The following OTX1 variants were observed in gnomAD, a reference collection of about 807,000 sequenced individuals.
OTX1 encodes orthodenticle homeobox 1, also known as homeobox protein OTX1.
In OTX1, 7 loss-of-function variants were observed where a neutral mutation model predicts 26.7. The observed-to-expected ratio is 0.26, with a 90% CI of 0.15 to 0.49. The LOEUF is 0.49. Ranked by LOEUF, OTX1 falls within the 20% of genes least tolerant of loss-of-function variation. The pLI is 0.98. For missense variants in OTX1, 414 were observed against 483.8 expected, an observed-to-expected ratio of 0.86 and a Z score of 1.35; for synonymous variants, 216 against 212.8, an observed-to-expected ratio of 1.01 and a Z score of -0.13.
At position 63,056,246 on chromosome 2, in the gene OTX1, A is replaced by G; in HGVS notation, c.995A>G (p.Lys332Arg). 4 of 1,614,080 alleles carry G rather than the reference A, an allele frequency of 2.5e-6. No homozygotes were observed. Among genetic ancestry groups the G allele is most frequent in the Non-Finnish European group, 3.4e-6 (4 of 1,180,006 alleles). Reference sequence around the variant, plus strand: ...GCCGCTGCTGCTTCCTCCGCCTGGAAACTCAACTTCAACTCCCCCGACTGT... The same window carrying G: ...GCCGCTGCTGCTTCCTCCGCCTGGAGACTCAACTTCAACTCCCCCGACTGT... ...PGAAAASSAW[K>R]LNFNSPDCLD... is the part of the protein sequence containing the mutation. The change falls in exon 5 of 5, where the codon AAA becomes AGA. Residue 332 changes from lysine to arginine, a missense_variant. Transcript: ENST00000282549.
At chr2:63,054,255 G>C in intron 4 of OTX1, 57 bp downstream of exon 4, 1 of 1,497,364 alleles carries the variant, frequency 6.7e-7, no homozygotes, top group South Asian at 1.3e-5. Context: ...GCTCGGGGAA[G>C]GTCTAGGAAG....
chr2:63,055,503 C>G lies in OTX1; in HGVS notation c.252C>G (p.Val84=). 1 of 1,612,830 alleles carries G rather than the reference C, an allele frequency of 6.2e-7. No individual in the cohort carries two copies. Among genetic ancestry groups the G allele is most frequent in the Non-Finnish European group, 8.5e-7 (1 of 1,179,356 alleles). Residue 84 remains valine, a splice_region_variant and synonymous_variant, in exon 5 of 5, where the codon GTC becomes GTG. Transcript: ENST00000282549. This position sits in a 1 kb window ranked among gnomAD's most constrained non-coding sequence, Gnocchi z 5.2. ...CTCCCCCATCCGGCCCACTGCAGGT[C>G]TGGTTCAAGAACCGCCGCGCCAAAT... ...KINLPESRVQ[V]WFKNRRAKCR...
Position 63,055,568 on chromosome 2 carries a change from G to T in OTX1, c.317G>T (p.Arg106Leu). The change falls in exon 5 of 5, where the codon CGC becomes CTC. Residue 106 changes from arginine (R) to leucine (L), a missense_variant. Around this residue, in one of 3 missense-constraint regions of OTX1, gnomAD observed 320 missense variants for 347.9 expected, o/e 0.92. Transcript: ENST00000282549. The surrounding 1 kb of genome is among the most constrained non-coding windows in gnomAD (Gnocchi z 5.2). ...QQQSGSGTKS[R>L]PAKKKSSPVR... ...CAGAGCGGGAGCGGAACCAAGAGCC[G>T]CCCAGCCAAGAAGAAGTCCTCTCCA... 1.9e-6 allele frequency: 3 copies of T among 1,614,122 alleles called. No homozygotes were observed. Among genetic ancestry groups the T allele is most frequent in the African/African-American group, 2.7e-5 (2 of 75,034 alleles).
intron 4 of OTX1, among the ~76,000 whole-genome samples, chr2:63,054,535 C>A (rs2062049805): frequency 6.6e-6 from 1 of 152,208 alleles, no homozygotes; most frequent in Admixed American, 6.5e-5. Context: ...TCTTCGCCTG[C>A]CCCAGGACTT....
At position 63,056,395 on chromosome 2, in the gene OTX1, C is replaced by A. The variant is rs559367527; in HGVS notation, c.*79C>A. ...CGATCCTGTTGCTGCTGCTGCACCGCCCGCCTTTGCCTCGTCTTCTCCAAA... is the reference window on the plus strand; with the variant it reads ...CGATCCTGTTGCTGCTGCTGCACCGACCGCCTTTGCCTCGTCTTCTCCAAA... On this transcript the variant is annotated 3_prime_UTR_variant, in exon 5 of 5. Transcript: ENST00000282549. 3,107 of 1,263,738 alleles carry A rather than the reference C, an allele frequency of 2.5e-3. 8 individuals are homozygous for A. The highest frequency in any genetic ancestry group is 3.2e-3 in the Non-Finnish European group (2,880 of 899,484). 78.3% of individuals were successfully genotyped at this position (1,263,738 alleles called of 1,614,324 possible).
rs778272963 is a variant in OTX1, at chr2:63,053,058, A to G, written c.68A>G (p.Asp23Gly). Residue 23 changes from aspartate (D) to glycine (G), a missense_variant, in exon 3 of 5, where the codon GAC (aspartate) becomes GGC (glycine). Asp to Gly is a moderately conservative substitution (Grantham distance 94). Coordinates refer to ENST00000282549, the MANE Select transcript of OTX1 (RefSeq NM_014562.4). Reference protein sequence around the residue: ...NGLGLAGPAMDLLHPSVGYPA... With the variant: ...NGLGLAGPAMGLLHPSVGYPA... The stretch of plus-strand genomic sequence containing the variant: ...CTGGGCCTGGCCGGGCCCGCCATGG[A>G]CCTCCTGCACCCATCCGTGGGCTAT... The G allele has an allele frequency of 1.3e-6, 2 of 1,597,158 alleles. No individual in the cohort carries two copies. Among genetic ancestry groups the G allele is most frequent in the South Asian group, 1.1e-5 (1 of 90,130 alleles).
At chr2:63,054,749 T>A (rs2062051580) in intron 4 of OTX1, among the ~76,000 whole-genome samples, 1 of 152,250 alleles carries the variant, frequency 6.6e-6, no homozygotes, top group Admixed American at 6.5e-5. Context: ...AGGGTTCCGA[T>A]GATAACGTTC....
Position 63,053,086 on chromosome 2 carries a change from G to C in OTX1, c.96G>C (p.Pro32=). The change falls in exon 3 of 5, where the codon CCG becomes CCC. Residue 32 remains proline, a splice_region_variant and synonymous_variant. Transcript: ENST00000282549. ...MDLLHPSVGY[P]ATPRKQRRER... is the part of the protein sequence containing the mutation. ...TCCTGCACCCATCCGTGGGCTATCC[G>C]GGTGAGCACCAGCCCTCCCGACCCT... The C allele has an allele frequency of 1.3e-6, 2 of 1,572,108 alleles. No homozygotes were observed. Among genetic ancestry groups the C allele is most frequent in the Non-Finnish European group, 1.7e-6 (2 of 1,163,334 alleles).
intron 3 of OTX1, 150 bp downstream of exon 3, chr2:63,053,237 C>G: frequency 1.8e-6 from 1 of 547,980 alleles, no homozygotes; most frequent in Non-Finnish European, 3.1e-6. Flanking sequence ...ACAGGGCCCA[C>G]TGCCGGCGCA....
At chr2:63,053,424 A>G in intron 3 of OTX1, 1 of 272,324 alleles carries the variant, frequency 3.7e-6, no homozygotes, top group African/African-American at 2.2e-5. Flanking sequence ...TTTCCCCAAC[A>G]TGGAATGTGT....
rs780058175 is a variant in OTX1 at position 63,056,266 on chromosome 2, G to A, written c.1015G>A (p.Asp339Asn). The change falls in exon 5 of 5, where the codon GAC becomes AAC. Residue 339 changes from aspartate to asparagine, a missense_variant. Asp to Asn is a conservative substitution (Grantham distance 23, BLOSUM62 1). Transcript: ENST00000282549. ...CTGGAAACTCAACTTCAACTCCCCC[G>A]ACTGTCTGGACTATAAGGACCAAGC... ...SAWKLNFNSP[D>N]CLDYKDQASW... 4 of 1,614,004 alleles carry A rather than the reference G, an allele frequency of 2.5e-6. No homozygotes were observed. The highest frequency in any genetic ancestry group is 1.3e-5 in the African/African-American group (1 of 74,990).
intron 4 of OTX1, among the ~76,000 whole-genome samples, chr2:63,054,518 C>T (rs529062427): frequency 1.3e-5 from 2 of 152,364 alleles, no homozygotes; most frequent in African/African-American, 4.8e-5. Context: ...TGACACTTGC[C>T]CCTGCTTCTT....
intron 2 of OTX1, among the ~76,000 whole-genome samples, chr2:63,052,490 G>T (rs2062033170): frequency 6.6e-6 from 1 of 152,248 alleles, no homozygotes; most frequent in Non-Finnish European, 1.5e-5. Context: ...AACGCCTCAT[G>T]CTCTGGGCGG....
chr2:63,050,727 C>G (rs1263186980), upstream of OTX1: 1 of 152,164 alleles, frequency 6.6e-6, no homozygotes, highest in Non-Finnish European at 1.5e-5. Context: ...CAGCCATTGC[C>G]CGGCTCCCTG....
chr2:63,053,080 C>G lies in OTX1; in HGVS notation c.90C>G (p.Gly30=). The G allele has an allele frequency of 1.9e-6, 3 of 1,580,268 alleles. No individual in the cohort carries two copies. Among genetic ancestry groups the G allele is most frequent in the Non-Finnish European group, 2.6e-6 (3 of 1,166,730 alleles). Residue 30 remains glycine (G), a synonymous_variant, in exon 3 of 5, where the codon GGC becomes GGG. Coordinates refer to ENST00000282549, the MANE Select transcript of OTX1 (RefSeq NM_014562.4). ...PAMDLLHPSV[G]YPATPRKQRR... ...TGGACCTCCTGCACCCATCCGTGGG[C>G]TATCCGGGTGAGCACCAGCCCTCCC... is the stretch of plus-strand genomic sequence containing the variant.
chr2:63,050,196 A>T (rs547251630), upstream of OTX1: 19 of 152,120 alleles, frequency 1.2e-4, no homozygotes, highest in Middle Eastern at 3.4e-3. Context: ...CCCAGGCGCG[A>T]GAGTCCGGAG....
rs1161694109 is a variant in OTX1 at position 63,052,981 on chromosome 2, A to G, written c.-10A>G. On this transcript the variant is annotated 5_prime_UTR_variant, in exon 3 of 5. Transcript: ENST00000282549. ...TGGATCCGTCGGGGCGCCTCCACCCAGCTGTTAGCATGATGTCTTACCTCA... is the reference window on the plus strand; with the variant it reads ...TGGATCCGTCGGGGCGCCTCCACCCGGCTGTTAGCATGATGTCTTACCTCA... 2 of 1,605,734 alleles carry G rather than the reference A, an allele frequency of 1.2e-6. No individual in the cohort carries two copies. The highest frequency in any genetic ancestry group is 1.7e-6 in the Non-Finnish European group (2 of 1,174,836).
At chr2:63,053,328 A>G in intron 3 of OTX1, 1 of 435,380 alleles carries the variant, frequency 2.3e-6, no homozygotes. Flanking sequence ...ATCACCGGCA[A>G]CCTTTCTCCG....
upstream of OTX1, among the ~76,000 whole-genome samples, chr2:63,049,828 TTTCGGGTGGGAAATGGGC>T (rs1559117877): frequency 1.3e-5 from 2 of 152,230 alleles, no homozygotes; most frequent in African/African-American, 4.8e-5. This position sits in a 1 kb window ranked among gnomAD's most constrained non-coding sequence, Gnocchi z 4.8. Context: ...TGGGAAGTTT[TTTCGGGTGGGAAATGGGC>T]TTCGCCCGTA....
Sources: allele counts gnomAD v4.1 joint callset (sites outside exome capture counted in the v4.1 genomes callset), GRCh38; gene constraint gnomAD v4.1.1; regional missense constraint gnomAD v4.1.1; non-coding constraint Gnocchi (gnomAD v3.1); transcripts MANE v1.5; gene names NCBI Gene and HGNC (gene_info 2026-07-23, HGNC 2026-07-21).